ABI1: variants seen among roughly 807,000 people sequenced by gnomAD.
ABI1 encodes Abelson interactor 1.
ABI1 carries 14 observed loss-of-function variants against 54.6 expected under a neutral mutation model. That is an observed-to-expected ratio of 0.26 (90% confidence interval 0.17 to 0.40). The LOEUF is 0.40. Ranked by LOEUF, ABI1 falls within the 10% of genes least tolerant of loss-of-function variation. The probability of loss-of-function intolerance (pLI) is 1.00; values close to 1 mark genes in which losing one functional copy is unlikely to be tolerated. For missense variants in ABI1, 443 were observed against 598.3 expected (o/e 0.74, Z 2.71); for synonymous variants, 194 against 209.3 (o/e 0.93, Z 0.63).
In ABI1 at chr10:26,829,434, T is replaced by C. The variant is rs144808181; in HGVS notation, c.118-6129A>G. ...GGTGACTATAGTTAATAATAACTTA[T>C]TGTATACTTGAAAATTGCTGAGAGT... On this transcript the variant is annotated intron_variant, in intron 1 of 10. Transcript: ENST00000376140. Among the ~76,000 whole-genome samples the C allele has an allele frequency of 1.6e-3, 243 of 152,260 alleles. 2 individuals are homozygous for C. In the South Asian group the frequency reaches 0.018, roughly 11 times the overall value.
chr10:26,832,394 AAC>A (rs770078342), intron 1 of ABI1, among the ~76,000 whole-genome samples: 1 of 152,074 alleles, frequency 6.6e-6, no homozygotes, highest in Admixed American at 6.6e-5. Context: ...CATCCTGGCT[AAC>A]ACAATGAAAC....
At chr10:26,810,470 A>C in intron 2 of ABI1, among the ~76,000 whole-genome samples, 1 of 152,246 alleles carries the variant, frequency 6.6e-6, no homozygotes, top group East Asian at 1.9e-4. Context: ...AACACTTTTT[A>C]AATTTTTTGA....
At chr10:26,811,363 A>G (rs1207444955) in intron 2 of ABI1, among the ~76,000 whole-genome samples, 1 of 152,174 alleles carries the variant, frequency 6.6e-6, no homozygotes, top group Non-Finnish European at 1.5e-5. Context: ...TCTCTACTAT[A>G]GCTTGCTCCT....
rs1487879908 is a variant in ABI1, at chr10:26,860,942, C to G, written c.-79G>C. On this transcript the variant is annotated 5_prime_UTR_variant, in exon 1 of 11. Coordinates refer to ENST00000376140, the MANE Select transcript of ABI1 (RefSeq NM_001012750.3). This position sits in a 1 kb window ranked among gnomAD's most constrained non-coding sequence, Gnocchi z 4.1. ...GTCCGCCGAGGCTCCGAGCACCTCACAGCCCGGATACAAACCGCCTACCCG... is the reference window on the plus strand; with the variant it reads ...GTCCGCCGAGGCTCCGAGCACCTCAGAGCCCGGATACAAACCGCCTACCCG... 1.3e-5 allele frequency: 17 copies of G among 1,328,996 alleles called. No individual in the cohort carries two copies. Among genetic ancestry groups the G allele is most frequent in the Non-Finnish European group, 1.8e-5 (17 of 928,216 alleles). 82.3% of individuals were successfully genotyped at this position (1,328,996 alleles called of 1,614,324 possible).
chr10:26,835,207 G>T (rs1381990830), intron 1 of ABI1, among the ~76,000 whole-genome samples: 1 of 151,908 alleles, frequency 6.6e-6, no homozygotes, highest in African/African-American at 2.4e-5. Flanking sequence ...TGGAGAAAGG[G>T]GAATACCCAT....
chr10:26,759,541 A>C (rs16927324), intron 7 of ABI1, among the ~76,000 whole-genome samples: 1 of 151,910 alleles, frequency 6.6e-6, no homozygotes, highest in Admixed American at 6.6e-5. Flanking sequence ...TTTTTTGTGC[A>C]TTTTCAAATA....
chr10:26,807,772 T>C (rs540039858), intron 2 of ABI1, among the ~76,000 whole-genome samples: 18 of 152,262 alleles, frequency 1.2e-4, no homozygotes, highest in African/African-American at 4.1e-4. Flanking sequence ...TTTAGCTGTC[T>C]AGCATGGTGC....
intron 2 of ABI1, among the ~76,000 whole-genome samples, chr10:26,817,431 T>G (rs1417316921): frequency 6.6e-6 from 1 of 152,172 alleles, no homozygotes; most frequent in Admixed American, 6.5e-5. Context: ...AGTTCCAATC[T>G]ATATCAATTT....
At chr10:26,840,035 T>C (rs1245027865) in intron 1 of ABI1, among the ~76,000 whole-genome samples, 1 of 152,078 alleles carries the variant, frequency 6.6e-6, no homozygotes, top group Non-Finnish European at 1.5e-5. Context: ...CAAGATTCTA[T>C]GAATACTAGC....
intron 2 of ABI1, among the ~76,000 whole-genome samples, chr10:26,808,986 C>T (rs1275692060): frequency 2.0e-5 from 3 of 151,248 alleles, no homozygotes; most frequent in African/African-American, 7.3e-5. Flanking sequence ...AAAAAAACAA[C>T]TGGCCGGGCA....
At chr10:26,847,883 T>C (rs2050097749) in intron 1 of ABI1, among the ~76,000 whole-genome samples, 1 of 151,942 alleles carries the variant, frequency 6.6e-6, no homozygotes, top group Non-Finnish European at 1.5e-5. Context: ...TTTTAAGATG[T>C]TGGGCCAGAC....
chr10:26,814,716 C>CTA (rs59127285), intron 2 of ABI1, among the ~76,000 whole-genome samples: 87,043 of 151,726 alleles, frequency 0.57, 27,130 homozygotes, highest in African/African-American at 0.83. Context: ...TATTTGGTAA[C>CTA]TTAATCTAAG....
intron 2 of ABI1, among the ~76,000 whole-genome samples, chr10:26,783,371 T>C (rs186109182): frequency 3.3e-4 from 51 of 152,348 alleles, no homozygotes; most frequent in African/African-American, 7.5e-4. Flanking sequence ...CTAGAGATTA[T>C]TGGTTGCTCA....
At position 26,832,740 on chromosome 10, in the gene ABI1, C is replaced by T. The variant is rs149870765; in HGVS notation, c.118-9435G>A. On this transcript the variant is annotated intron_variant, in intron 1 of 10. Coordinates refer to ENST00000376140, the MANE Select transcript of ABI1 (RefSeq NM_001012750.3). ...ATCTACTTTGCTGAAGGCCAACAAA[C>T]GGGCTGGTTGGTTAGAGACCTGAGA... Among the ~76,000 whole-genome samples, 234 of 152,168 alleles carry T rather than the reference C, an allele frequency of 1.5e-3. 1 individual carries two copies. The highest frequency in any genetic ancestry group is 5.3e-3 in the African/African-American group (220 of 41,516).
At chr10:26,836,110 T>G (rs1376725063) in intron 1 of ABI1, among the ~76,000 whole-genome samples, 1 of 151,866 alleles carries the variant, frequency 6.6e-6, no homozygotes, top group East Asian at 1.9e-4. Flanking sequence ...TCTTTTTTTG[T>G]TGTTTGTTTT....
chr10:26,823,345 A>T, intron 1 of ABI1, 40 bp from the exon 2 acceptor site: 1 of 1,392,098 alleles, frequency 7.2e-7, no homozygotes, highest in Non-Finnish European at 9.5e-7. Flanking sequence ...TATTTAGATT[A>T]ACATTCATTA....
At chr10:26,773,058 T>TA (rs983187135) in intron 3 of ABI1, among the ~76,000 whole-genome samples, 2 of 152,068 alleles carry the variant, frequency 1.3e-5, no homozygotes, top group African/African-American at 4.8e-5. Context: ...TGTCTCTTTT[T>TA]AAAAAAATCT....
intron 7 of ABI1, among the ~76,000 whole-genome samples, chr10:26,759,540 C>T (rs923203075): frequency 6.6e-6 from 1 of 151,974 alleles, no homozygotes; most frequent in African/African-American, 2.4e-5. Flanking sequence ...ATTTTTTGTG[C>T]ATTTTCAAAT....
At chr10:26,785,706 C>G (rs1430802209) in intron 2 of ABI1, among the ~76,000 whole-genome samples, 2 of 150,714 alleles carry the variant, frequency 1.3e-5, no homozygotes, top group Non-Finnish European at 3.0e-5. Flanking sequence ...GCCTGGGCGA[C>G]AGAGTCAGAC....
Sources: gnomAD v4.1 joint callset for allele counts (sites outside exome capture counted in the v4.1 genomes callset) on GRCh38, gnomAD v4.1.1 for gene constraint, Gnocchi (gnomAD v3.1) non-coding constraint, MANE v1.5 for transcripts, NCBI Gene and HGNC (gene_info 2026-07-23, HGNC 2026-07-21) for gene names.